The following GRIP1 variants were observed in gnomAD, a reference collection of about 807,000 sequenced individuals.
The protein encoded by GRIP1 is glutamate receptor interacting protein 1.
Under a neutral mutation model 129.9 loss-of-function variants are expected in GRIP1, and 45 were observed. The observed-to-expected ratio is 0.35, with a 90% CI of 0.27 to 0.44. The LOEUF is 0.44. GRIP1 is among the 20% of genes least tolerant of loss of function. GRIP1 has a pLI of 1.00. For missense variants in GRIP1, 1,196 were observed against 1,396.8 expected (o/e 0.86, Z 2.29); for synonymous variants, 530 against 520.8 (o/e 1.02, Z -0.24).
chr12:66,891,793 TGA>T (rs1354298116), intron 1 of GRIP1: 4 of 152,226 alleles, frequency 2.6e-5, no homozygotes, highest in African/African-American at 9.6e-5. Flanking sequence ...AAAATATGAC[TGA>T]GGCAAATTCT....
intron 2 of GRIP1, among the ~76,000 whole-genome samples, chr12:66,571,403 T>C (rs576300852): frequency 2.1e-4 from 32 of 152,236 alleles, no homozygotes; most frequent in Non-Finnish European, 4.4e-4. Flanking sequence ...CTCAGTGATA[T>C]ATGCACATAT....
rs2058959098 is a variant in GRIP1 at position 66,456,229 on chromosome 12, G to A, written c.1156C>T (p.Pro386Ser). Residue 386 changes from proline to serine, a missense_variant, in exon 10 of 25, where the codon CCA becomes TCA. Physicochemically the swap from Pro to Ser is moderately conservative, Grantham distance 74. Coordinates refer to ENST00000359742, the MANE Select transcript of GRIP1 (RefSeq NM_001366722.1). ...GGTGCTTTCGGGAATGTCAGGGCTG[G>A]TACTCTGCAATGGTCAGGGTGGTAC... ...NTYHPDHCRV[P>S]ALTFPKAPPP... The A allele has an allele frequency of 7.8e-7, 1 of 1,289,348 alleles. No homozygotes were observed. Among genetic ancestry groups the A allele is most frequent in the African/African-American group, 1.5e-5 (1 of 65,820 alleles). 79.9% of individuals were successfully genotyped at this position (1,289,348 alleles called of 1,614,324 possible).
intron 1 of GRIP1, among the ~76,000 whole-genome samples, chr12:66,760,531 A>C (rs2037440780): frequency 6.6e-6 from 1 of 152,174 alleles, no homozygotes; most frequent in African/African-American, 2.4e-5. Context: ...TGATAAACCC[A>C]TCAGATCTCA....
intron 1 of GRIP1, among the ~76,000 whole-genome samples, chr12:66,741,591 AT>A (rs1363674732): frequency 2.0e-5 from 3 of 152,254 alleles, no homozygotes; most frequent in Non-Finnish European, 4.4e-5. Context: ...ATATAAAAAA[AT>A]GTGAAATTAA....
At chr12:66,792,416 A>AT (rs1476012800) in intron 1 of GRIP1, among the ~76,000 whole-genome samples, 4 of 152,120 alleles carry the variant, frequency 2.6e-5, no homozygotes, top group South Asian at 2.1e-4. Context: ...TAATTTTAAA[A>AT]TTTTTTGTAG....
At chr12:67,004,092 G>A (rs1366519310) in intron 1 of GRIP1, among the ~76,000 whole-genome samples, 1 of 152,132 alleles carries the variant, frequency 6.6e-6, no homozygotes, top group African/African-American at 2.4e-5. Context: ...GGCTTACCTG[G>A]TAGTCCAGGG....
intron 3 of GRIP1, among the ~76,000 whole-genome samples, chr12:66,541,217 G>C (rs1259833732): frequency 6.6e-6 from 1 of 152,142 alleles, no homozygotes; most frequent in Non-Finnish European, 1.5e-5. Flanking sequence ...AGGACATTCT[G>C]CCTTTGGCAA....
intron 2 of GRIP1, among the ~76,000 whole-genome samples, chr12:66,589,819 T>C (rs1262447519): frequency 1.3e-5 from 2 of 152,080 alleles, no homozygotes; most frequent in Non-Finnish European, 2.9e-5. Context: ...ATAAGGTCAA[T>C]AGATAAGAAA....
At chr12:67,054,763 A>G (rs901340434) in intron 1 of GRIP1, among the ~76,000 whole-genome samples, 12 of 126,890 alleles carry the variant, frequency 9.5e-5, no homozygotes, top group East Asian at 6.1e-4. Context: ...GACAGTATTG[A>G]AAAAAAAAAA....
intron 1 of GRIP1, among the ~76,000 whole-genome samples, chr12:66,900,129 T>G (rs1372733716): frequency 6.6e-6 from 1 of 152,152 alleles, no homozygotes; most frequent in Non-Finnish European, 1.5e-5. Flanking sequence ...GAATAGATGT[T>G]TTTGTATTAC....
At chr12:66,384,493 C>A (rs1312909484) in intron 19 of GRIP1, among the ~76,000 whole-genome samples, 2 of 152,130 alleles carry the variant, frequency 1.3e-5, no homozygotes, top group African/African-American at 4.8e-5. Context: ...GATGGACTGA[C>A]AAAGTATTTG....
intron 1 of GRIP1, among the ~76,000 whole-genome samples, chr12:66,606,055 A>G (rs7315737): frequency 0.34 from 51,102 of 151,888 alleles, 8,871 homozygotes; most frequent in Non-Finnish European, 0.37. Context: ...ATCACTGTGC[A>G]ACTCTCAACT....
At chr12:67,040,591 C>T (rs1296380709) in intron 1 of GRIP1, among the ~76,000 whole-genome samples, 3 of 152,268 alleles carry the variant, frequency 2.0e-5, no homozygotes, top group Admixed American at 6.5e-5. Context: ...GTAAGAAACA[C>T]GAATCCCAGC....
At chr12:66,540,594 A>G (rs969638042) in intron 3 of GRIP1, among the ~76,000 whole-genome samples, 3 of 152,178 alleles carry the variant, frequency 2.0e-5, no homozygotes, top group Non-Finnish European at 4.4e-5. Context: ...ATAACTTCTG[A>G]TCATGGAGGC....
chr12:66,440,215 A>C (rs1446936295), intron 13 of GRIP1, among the ~76,000 whole-genome samples: 5 of 152,184 alleles, frequency 3.3e-5, no homozygotes, highest in Admixed American at 6.5e-5. Flanking sequence ...TTTATGGGTT[A>C]CATGGGATAC....
At chr12:66,540,333 C>T (rs2061735166) in intron 3 of GRIP1, among the ~76,000 whole-genome samples, 3 of 152,330 alleles carry the variant, frequency 2.0e-5, no homozygotes, top group Admixed American at 1.3e-4. Flanking sequence ...TTTTAATTCT[C>T]AATATAACTG....
At chr12:66,430,530 C>T (rs1209355849) in intron 14 of GRIP1, among the ~76,000 whole-genome samples, 1 of 152,056 alleles carries the variant, frequency 6.6e-6, no homozygotes, top group Non-Finnish European at 1.5e-5. Flanking sequence ...AACAAAACAC[C>T]ATCATAAAGC....
intron 1 of GRIP1, among the ~76,000 whole-genome samples, chr12:66,650,329 C>T (rs1023852842): frequency 1.3e-5 from 2 of 152,142 alleles, no homozygotes; most frequent in African/African-American, 4.8e-5. Context: ...AGATTTATTT[C>T]TTAATCTTGT....
At chr12:67,062,717 T>C (rs2043556374) in intron 1 of GRIP1, among the ~76,000 whole-genome samples, 1 of 152,206 alleles carries the variant, frequency 6.6e-6, no homozygotes, top group African/African-American at 2.4e-5. Flanking sequence ...ACTTTGGCAG[T>C]TGGTACTCAA....
Sources: gnomAD v4.1 joint callset for allele counts (sites outside exome capture counted in the v4.1 genomes callset) on GRCh38, gnomAD v4.1.1 for gene constraint, MANE v1.5 for transcripts, NCBI Gene and HGNC (gene_info 2026-07-23, HGNC 2026-07-21) for gene names.